The following PROM1 variants were observed in gnomAD, a reference collection of about 807,000 sequenced individuals.
PROM1 encodes the protein prominin 1.
In PROM1, 105 loss-of-function variants were observed where a neutral mutation model predicts 116.9. The ratio of observed to expected loss-of-function variants is 0.90; its 90% CI spans 0.77 to 1.06. The LOEUF (loss-of-function observed/expected upper bound fraction) is 1.06. Ranked by LOEUF, PROM1 falls within the 50% of genes least tolerant of loss-of-function variation. PROM1 has a pLI of 0.00. For missense variants in PROM1, 1,122 were observed against 1,045.2 expected, an observed-to-expected ratio of 1.07 and a Z score of -1.01; for synonymous variants, 393 against 387.0, an observed-to-expected ratio of 1.02 and a Z score of -0.18.
At position 16,016,224 on chromosome 4, in the gene PROM1, G is replaced by C; in HGVS notation, c.1019C>G (p.Ala340Gly). Residue 340 changes from alanine to glycine, a missense_variant, in exon 10 of 28, where the codon GCA becomes GGA. By Grantham distance (60) the Ala-to-Gly change is moderately conservative. Coordinates refer to ENST00000447510, the MANE Select transcript of PROM1 (RefSeq NM_006017.3). ...PELRQLPPVD[A>G]ELDNVNNVLR... ...AACGTTATTAACGTTGTCAAGTTCT[G>C]CATCCACGGGTGGAAGCTGAAAATT... 1 of 1,551,988 alleles carries C rather than the reference G, an allele frequency of 6.4e-7. No individual in the cohort carries two copies. The highest frequency in any genetic ancestry group is 8.7e-7 in the Non-Finnish European group (1 of 1,147,444).
chr4:15,985,889 T>A (rs2041210), intron 21 of PROM1, 61 bp from the exon 22 acceptor site: 9 of 829,618 alleles, frequency 1.1e-5, no homozygotes, highest in East Asian at 5.4e-5. Context: ...TTAAACATTA[T>A]AAATATTTAA....
chr4:16,025,421 G>A (rs927074485), intron 5 of PROM1, 109 bp from the exon 6 acceptor site: 10 of 1,373,004 alleles, frequency 7.3e-6, no homozygotes, highest in African/African-American at 7.2e-5. Context: ...CAGAAGGACT[G>A]GCCTTTCCTC....
At chr4:15,980,742 T>C (rs1376651071) in intron 23 of PROM1, among the ~76,000 whole-genome samples, 1 of 151,972 alleles carries the variant, frequency 6.6e-6, no homozygotes, top group African/African-American at 2.4e-5. Context: ...ATTTCATCTT[T>C]CTAAAAACCT....
chr4:15,972,080 G>C (rs1714700259), intron 26 of PROM1: 2 of 152,132 alleles, frequency 1.3e-5, no homozygotes, highest in Admixed American at 1.3e-4. Flanking sequence ...ATCTACATTT[G>C]CCTTATTGAG....
At chr4:16,016,939 G>T (rs1338436018) in intron 9 of PROM1, among the ~76,000 whole-genome samples, 1 of 152,232 alleles carries the variant, frequency 6.6e-6, no homozygotes, top group Non-Finnish European at 1.5e-5. Context: ...GCCTGGACCT[G>T]AGACTGGAAA....
intron 11 of PROM1, among the ~76,000 whole-genome samples, chr4:16,012,870 CAAA>C (rs71179681): frequency 0.17 from 14,130 of 83,846 alleles, 503 homozygotes; most frequent in South Asian, 0.2. Flanking sequence ...GACTCTGTCT[CAAA>C]AAAAAAAAAA....
intron 1 of PROM1, among the ~76,000 whole-genome samples, chr4:16,077,734 G>A: frequency 6.6e-6 from 1 of 152,046 alleles, no homozygotes; most frequent in Admixed American, 6.5e-5. Context: ...TCCCTCTCAG[G>A]CTCTAGTACG....
intron 23 of PROM1, among the ~76,000 whole-genome samples, chr4:15,980,946 G>GTTATTTATTTATGTATTTATTTAT (rs1717724629): frequency 6.9e-6 from 1 of 145,140 alleles, no homozygotes; most frequent in Non-Finnish European, 1.5e-5. Context: ...CTTATGAGTT[G>GTTATTTATTTATGTATTTATTTAT]TTATTTATTT....
chr4:16,003,283 T>C (rs1724336286), intron 13 of PROM1: 2 of 456,602 alleles, frequency 4.4e-6, no homozygotes, highest in Non-Finnish European at 8.8e-6. Flanking sequence ...TTCACTATCA[T>C]AACTAATACT....
chr4:15,991,432 C>T (rs1403332896), intron 17 of PROM1, 139 bp from the exon 18 acceptor site: 2 of 555,706 alleles, frequency 3.6e-6, no homozygotes, highest in African/African-American at 4.0e-5. Context: ...AAACAGGTGG[C>T]AACATTTGCA....
At chr4:16,007,413 T>C (rs527814613) in intron 12 of PROM1, among the ~76,000 whole-genome samples, 1 of 152,346 alleles carries the variant, frequency 6.6e-6, no homozygotes, top group East Asian at 1.9e-4. Flanking sequence ...AGGGTAGTAA[T>C]GCTTCCCAAC....
At chr4:16,068,035 G>A (rs1741933748) in intron 2 of PROM1, among the ~76,000 whole-genome samples, 1 of 152,196 alleles carries the variant, frequency 6.6e-6, no homozygotes, top group Non-Finnish European at 1.5e-5. Flanking sequence ...CTGCAGGGGT[G>A]CAGGAAGCCA....
rs1023622155 is a variant in PROM1, at chr4:15,998,008, C to G, written c.1682+377G>C. On this transcript the variant is annotated intron_variant, in intron 15 of 27. Transcript: ENST00000447510. ...GCTCTCCAACTGCATTGCCTTCCCC[C>G]TATCAGTGATCCAAATCACTGAATC... Among the ~76,000 whole-genome samples the G allele has an allele frequency of 5.9e-5, 9 of 152,222 alleles. No homozygotes were observed. The Middle Eastern group carries it at 9.5e-3, about 161-fold the overall frequency.
intron 3 of PROM1, among the ~76,000 whole-genome samples, chr4:16,037,692 C>A (rs1445775021): frequency 6.6e-6 from 1 of 152,180 alleles, no homozygotes; most frequent in Non-Finnish European, 1.5e-5. Flanking sequence ...GCTTTACTTA[C>A]CGAGAAGGAC....
At chr4:15,999,167 A>G (rs910878233) in intron 14 of PROM1, among the ~76,000 whole-genome samples, 3 of 152,074 alleles carry the variant, frequency 2.0e-5, no homozygotes, top group Non-Finnish European at 4.4e-5. Flanking sequence ...CTCTGGACAA[A>G]ATGTATTAAA....
At position 16,000,623 on chromosome 4, in the gene PROM1, G is replaced by GA. The variant is rs2149188566; in HGVS notation, c.1455-5dup. The GA allele has an allele frequency of 3.2e-6, 5 of 1,540,298 alleles. No individual in the cohort carries two copies. The highest frequency in any genetic ancestry group is 4.4e-6 in the Non-Finnish European group (5 of 1,130,618). ...GAGGAAACTTAATCCAACTCCACTG[G>GA]AAAAAAATATAAAGTTAGTAATTCA... is the stretch of plus-strand genomic sequence containing the variant. On this transcript the variant is annotated splice_region_variant and splice_polypyrimidine_tract_variant and intron_variant, in intron 13 of 27. Coordinates refer to ENST00000447510, the MANE Select transcript of PROM1 (RefSeq NM_006017.3).
chr4:15,985,349 T>C (rs1434125205), intron 22 of PROM1, among the ~76,000 whole-genome samples: 2 of 152,200 alleles, frequency 1.3e-5, no homozygotes, highest in African/African-American at 4.8e-5. Context: ...CAATTGTATA[T>C]ATTTTAAAGC....
At chr4:15,998,552 T>A in intron 14 of PROM1, 64 bp from the exon 15 acceptor site, 1 of 1,354,750 alleles carries the variant, frequency 7.4e-7, no homozygotes, top group Non-Finnish European at 9.6e-7. Flanking sequence ...ACTAATATAA[T>A]AAAATTAATA....
In PROM1 at chr4:16,055,187, C is replaced by G. The variant is rs58682368; in HGVS notation, c.221-16186G>C. On this transcript the variant is annotated intron_variant, in intron 2 of 27. Coordinates refer to ENST00000447510, the MANE Select transcript of PROM1 (RefSeq NM_006017.3). ...TCTAAGAACCTAGCATTCTCCTAGG[C>G]AAGACTATTTTCCTTGGAGAAACAA... 8.8e-3 allele frequency: 2,686 copies of G among 306,748 alleles called. 75 individuals are homozygous for G. The highest frequency in any genetic ancestry group is 0.07 in the East Asian group (893 of 12,832). 19.0% of individuals were successfully genotyped at this position (306,748 alleles called of 1,614,324 possible). A position where few individuals can be genotyped will look rare whatever the true frequency, so the allele number is the denominator to read the frequency against.
Sources: gnomAD v4.1 joint callset for allele counts (sites outside exome capture counted in the v4.1 genomes callset) on GRCh38, gnomAD v4.1.1 for gene constraint, MANE v1.5 for transcripts, NCBI Gene and HGNC (gene_info 2026-07-23, HGNC 2026-07-21) for gene names.